The following NSD1 variants were observed in gnomAD, a reference collection of about 807,000 sequenced individuals.
The protein encoded by NSD1 is nuclear receptor binding SET domain protein 1.
A neutral mutation model predicts 242.7 loss-of-function variants in NSD1; 26 were observed. The ratio of observed to expected loss-of-function variants is 0.11; its 90% confidence interval spans 0.08 to 0.15. The LOEUF is 0.15. NSD1 is among the 10% of genes least tolerant of loss of function. The pLI, the probability that NSD1 is intolerant of heterozygous loss-of-function variation, is 1.00. For missense variants in NSD1, 2,495 were observed against 3,272.8 expected (o/e 0.76, Z 5.80); for synonymous variants, 1,106 against 1,178.1 (o/e 0.94, Z 1.25).
chr5:177,233,537 ATTTTTTTT>A (rs56908682), intron 5 of NSD1, among the ~76,000 whole-genome samples: 13 of 126,430 alleles, frequency 1.0e-4, no homozygotes, highest in Admixed American at 7.5e-4. Flanking sequence ...CCTGGCTAGT[ATTTTTTTT>A]TTTTTTTTTT....
At chr5:177,219,336 C>T (rs1372356255) in intron 5 of NSD1, among the ~76,000 whole-genome samples, 2 of 151,962 alleles carry the variant, frequency 1.3e-5, no homozygotes, top group African/African-American at 2.4e-5. Context: ...CAGGTGCCTG[C>T]CACCACGCCC....
chr5:177,167,547 A>T (rs139266776), intron 2 of NSD1, among the ~76,000 whole-genome samples: 3,700 of 152,194 alleles, frequency 0.024, 42 homozygotes, highest in Non-Finnish European at 0.03. Flanking sequence ...AAAAAAAAAA[A>T]ATATATTTGT....
At chr5:177,173,698 T>C (rs58350595) in intron 2 of NSD1, among the ~76,000 whole-genome samples, 1 of 151,964 alleles carries the variant, frequency 6.6e-6, no homozygotes, top group East Asian at 1.9e-4. Context: ...GTCTCGAACT[T>C]TTGACCTAAC....
intron 14 of NSD1, among the ~76,000 whole-genome samples, chr5:177,262,707 C>T (rs1246046322): frequency 1.3e-5 from 2 of 152,240 alleles, no homozygotes; most frequent in Non-Finnish European, 2.9e-5. Context: ...GGCGAAACCC[C>T]ATCTCTGCTA....
chr5:177,136,875 A>C (rs1453984892), intron 2 of NSD1: 1 of 696,990 alleles, frequency 1.4e-6, no homozygotes, highest in East Asian at 2.7e-5. Flanking sequence ...TTGTTTAGAG[A>C]CTGGCCTTGT....
At chr5:177,266,210 C>A (rs1408802178) in intron 14 of NSD1, 3 of 930,468 alleles carry the variant, frequency 3.2e-6, no homozygotes, top group East Asian at 2.4e-5. Context: ...CATCCACTTG[C>A]TGATGATGAT....
At chr5:177,278,357 G>C (rs752106196) in intron 17 of NSD1, among the ~76,000 whole-genome samples, 7 of 152,124 alleles carry the variant, frequency 4.6e-5, no homozygotes, top group Non-Finnish European at 8.8e-5. Flanking sequence ...CAATCCTCCA[G>C]TCTCAGCCTC....
chr5:177,192,054 G>A, intron 3 of NSD1, 35 bp downstream of exon 3: 2 of 1,586,020 alleles, frequency 1.3e-6, no homozygotes, highest in African/African-American at 1.3e-5. Context: ...GTTAAAGGCA[G>A]TTGCCTTTAG....
Position 177,210,037 on chromosome 5 carries a change from G to A in NSD1, c.1638G>A (p.Gln546=). 6.2e-7 allele frequency: 1 copy of A among 1,614,080 alleles called. No homozygotes were observed. Among genetic ancestry groups the A allele is most frequent in the Non-Finnish European group, 8.5e-7 (1 of 1,180,002 alleles). ...TCTCTGGGGATATATCTGATACGCA[G>A]GCCTCTAATGAACTTTCCAGGATAG... ...NFISGDISDT[Q]ASNELSRIAN... Residue 546 remains glutamine, a synonymous_variant, in exon 5 of 23, where the codon CAG becomes CAA. Coordinates refer to ENST00000439151, the MANE Select transcript of NSD1 (RefSeq NM_022455.5).
chr5:177,270,815 CAT>C (rs1214610011), intron 16 of NSD1, among the ~76,000 whole-genome samples: 3 of 152,170 alleles, frequency 2.0e-5, no homozygotes, highest in Non-Finnish European at 4.4e-5. Flanking sequence ...CTGTTTGCCA[CAT>C]GTTATTTTAG....
chr5:177,180,073 G>GT (rs1242247710), intron 2 of NSD1, among the ~76,000 whole-genome samples: 6 of 149,144 alleles, frequency 4.0e-5, no homozygotes, highest in Admixed American at 6.7e-5. Flanking sequence ...GCTAATTTTT[G>GT]TTTTTTTATT....
intron 17 of NSD1, among the ~76,000 whole-genome samples, chr5:177,274,542 A>G (rs77205041): frequency 0.079 from 11,977 of 152,244 alleles, 985 homozygotes; most frequent in African/African-American, 0.21. Context: ...GCGATGCTCA[A>G]ATATCATAAA....
chr5:177,219,002 T>C (rs1764022968), intron 5 of NSD1, among the ~76,000 whole-genome samples: 1 of 152,090 alleles, frequency 6.6e-6, no homozygotes, highest in East Asian at 1.9e-4. Flanking sequence ...CTCTGTAGTT[T>C]ATCTTTTCAT....
At chr5:177,138,697 T>C (rs1475379239) in intron 2 of NSD1, among the ~76,000 whole-genome samples, 7 of 151,984 alleles carry the variant, frequency 4.6e-5, no homozygotes, top group Non-Finnish European at 7.4e-5. Flanking sequence ...TGGAGTGCAA[T>C]GGCATGATCT....
In NSD1 at chr5:177,267,482, T is replaced by A. The variant is rs903591902; in HGVS notation, c.5147-80T>A. ...TCTTTTAGTGAAGAGAAAGAAAATA[T>A]ATATATATATGTGTATGGATGTACA... On this transcript the variant is annotated intron_variant, in intron 14 of 22. Transcript: ENST00000439151. The A allele has an allele frequency of 4.3e-6, 5 of 1,152,158 alleles. No homozygotes were observed. In the African/African-American group the frequency reaches 4.6e-5, roughly 11 times the overall value. The allele number at this position is 1,152,158 out of a possible 1,614,324, so 71.4% of individuals were successfully genotyped here. A position where few individuals can be genotyped will look rare whatever the true frequency, so the allele number is the denominator to read the frequency against.
intron 14 of NSD1, among the ~76,000 whole-genome samples, chr5:177,264,028 ATTTTTTTTTTTTTTTTTTTT>A (rs61538775): frequency 2.6e-5 from 2 of 76,394 alleles, no homozygotes; most frequent in Non-Finnish European, 4.9e-5. Flanking sequence ...CAATGAACCA[ATTTTTTTTTTTTTTTTTTTT>A]TTTTTTGAGA....
intron 7 of NSD1, among the ~76,000 whole-genome samples, chr5:177,239,055 C>T (rs1365883352): frequency 6.6e-6 from 1 of 152,172 alleles, no homozygotes. Flanking sequence ...AACATATTGT[C>T]TCTAATTCAC....
At chr5:177,282,961 A>T (rs116015620) in intron 19 of NSD1, among the ~76,000 whole-genome samples, 2,186 of 151,992 alleles carry the variant, frequency 0.014, 46 homozygotes, top group African/African-American at 0.048. Flanking sequence ...ATTTTTTTTT[A>T]AAATTATTTT....
chr5:177,186,012 T>C (rs1761169251), intron 2 of NSD1, among the ~76,000 whole-genome samples: 1 of 97,292 alleles, frequency 1.0e-5, no homozygotes. Context: ...ATTTATATTA[T>C]ATATTATATA....
Sources: gnomAD v4.1 joint callset for allele counts (sites outside exome capture counted in the v4.1 genomes callset) on GRCh38, gnomAD v4.1.1 for gene constraint, MANE v1.5 for transcripts, NCBI Gene and HGNC (gene_info 2026-07-23, HGNC 2026-07-21) for gene names.